The following RBFOX1 variants were observed in gnomAD, a reference collection of about 807,000 sequenced individuals.
RBFOX1 encodes RNA binding protein fox-1 homolog 1.
RBFOX1 carries 8 observed loss-of-function variants against 57.7 expected under a neutral mutation model. The ratio of observed to expected loss-of-function variants is 0.14; its 90% CI spans 0.08 to 0.25. The LOEUF (loss-of-function observed/expected upper bound fraction) is 0.25, where lower values mean the gene tolerates loss of function less well. Ranked by LOEUF, RBFOX1 falls within the 10% of genes least tolerant of loss-of-function variation. The pLI is 1.00. For missense variants in RBFOX1, 611 were observed against 548.5 expected (o/e 1.11, Z -1.14); for synonymous variants, 326 against 222.4 (o/e 1.47, Z -4.15).
intron 3 of RBFOX1, among the ~76,000 whole-genome samples, chr16:5,835,418 T>A (rs1326844058): frequency 2.6e-5 from 4 of 152,198 alleles, no homozygotes; most frequent in Admixed American, 2.0e-4. Flanking sequence ...TTGGGGAGGC[T>A]TGGGAAAGCT....
rs918985297 is a variant in RBFOX1 at position 7,313,902 on chromosome 16, C to T, written c.28-204245C>T. On this transcript the variant is annotated intron_variant, in intron 4 of 15. Coordinates refer to ENST00000550418, the MANE Select transcript of RBFOX1 (RefSeq NM_018723.4). ...CCAGTGGCTGGTTCTGTATGATTTA[C>T]GGAGAGACCTCTGCCAGGTTCCTGC... is the stretch of plus-strand genomic sequence containing the variant. 7.2e-5 allele frequency among the ~76,000 whole-genome samples: 11 copies of T among 152,254 alleles called. No individual in the cohort carries two copies. The East Asian group carries it at 1.4e-3, about 19-fold the overall frequency.
chr16:6,358,064 C>A (rs193114733), intron 2 of RBFOX1, among the ~76,000 whole-genome samples: 3 of 152,156 alleles, frequency 2.0e-5, no homozygotes, highest in East Asian at 3.9e-4. Flanking sequence ...CTTCCAGAAC[C>A]CTTTGAGAGT....
chr16:5,994,924 C>A (rs963095366), intron 4 of RBFOX1, among the ~76,000 whole-genome samples: 1 of 152,282 alleles, frequency 6.6e-6, no homozygotes, highest in East Asian at 1.9e-4. Flanking sequence ...ATCAACTTGC[C>A]CACAGCAAAA....
intron 1 of RBFOX1, among the ~76,000 whole-genome samples, chr16:6,063,464 GACACACACACACACAC>G (rs772720519): frequency 1.2e-4 from 10 of 86,490 alleles, no homozygotes; most frequent in African/African-American, 2.6e-4. Context: ...CTCTTTCTCC[GACACACACACACACAC>G]ACACACACAC....
At chr16:7,379,336 T>C (rs1219166830) in intron 4 of RBFOX1, among the ~76,000 whole-genome samples, 1 of 152,190 alleles carries the variant, frequency 6.6e-6, no homozygotes, top group African/African-American at 2.4e-5. Context: ...ATAATAACAG[T>C]ATTATCTGAT....
At chr16:5,881,400 C>G (rs2057758924) in intron 4 of RBFOX1, among the ~76,000 whole-genome samples, 1 of 152,110 alleles carries the variant, frequency 6.6e-6, no homozygotes, top group Admixed American at 6.6e-5. Flanking sequence ...TATTAGGGGT[C>G]TGGGTGTGGT....
rs2084008168 is a variant in RBFOX1 at position 7,711,598 on chromosome 16, T to C, written c.*853T>C. 6.6e-6 allele frequency: 1 copy of C among 152,496 alleles called. No individual in the cohort carries two copies. The highest frequency in any genetic ancestry group is 1.5e-5 in the Non-Finnish European group (1 of 68,014). 9.4% of individuals were successfully genotyped at this position (152,496 alleles called of 1,614,324 possible). ...AGGTGATAAAAAAGCACTGTTTCTA[T>C]TTTTTTCTTTTTTTCCAAAAAAAGA... is the stretch of plus-strand genomic sequence containing the variant. On this transcript the variant is annotated 3_prime_UTR_variant, in exon 16 of 16. Coordinates refer to ENST00000550418, the MANE Select transcript of RBFOX1 (RefSeq NM_018723.4).
downstream of RBFOX1, chr16:5,601,602 C>T (rs1002417632): frequency 6.6e-6 from 1 of 152,294 alleles, no homozygotes; most frequent in East Asian, 1.9e-4. Flanking sequence ...CCACACTCTT[C>T]ATAATCTTGA....
rs898550946 is a variant in RBFOX1 at position 5,369,588 on chromosome 16, C to G, written c.220-97628C>G. ...GCATAGGAGACCTCGGCATCATGCC[C>G]CACACGCTCCTGAGCAGCGGTCGAG... On this transcript the variant is annotated intron_variant, in intron 1 of 2. Coordinates refer to the RBFOX1 transcript ENST00000585867. 4.6e-5 allele frequency among the ~76,000 whole-genome samples: 7 copies of G among 152,350 alleles called. No homozygotes were observed. The South Asian group carries it at 1.2e-3, about 27-fold the overall frequency.
chr16:6,489,683 G>A (rs182467669), intron 2 of RBFOX1, among the ~76,000 whole-genome samples: 1 of 152,188 alleles, frequency 6.6e-6, no homozygotes, highest in African/African-American at 2.4e-5. Flanking sequence ...TGAGGAAAAC[G>A]GACTTACCTG....
intron 4 of RBFOX1, among the ~76,000 whole-genome samples, chr16:7,261,793 C>G (rs1415540984): frequency 6.6e-6 from 1 of 152,162 alleles, no homozygotes; most frequent in African/African-American, 2.4e-5. Flanking sequence ...CACTAAGAAT[C>G]CCCTGGAGAG....
intron 4 of RBFOX1, among the ~76,000 whole-genome samples, chr16:7,120,101 C>T (rs2066780163): frequency 6.6e-6 from 1 of 151,984 alleles, no homozygotes; most frequent in South Asian, 2.1e-4. Context: ...CTAAATCACC[C>T]ATAGTTCAAA....
At chr16:6,822,147 G>C (rs1014667945) in intron 3 of RBFOX1, among the ~76,000 whole-genome samples, 14 of 152,148 alleles carry the variant, frequency 9.2e-5, no homozygotes, top group African/African-American at 3.4e-4. Context: ...AAGCAAAACG[G>C]GAGCTCGTGT....
intron 2 of RBFOX1, among the ~76,000 whole-genome samples, chr16:5,582,314 G>A (rs745452923): frequency 3.9e-5 from 6 of 152,122 alleles, no homozygotes; most frequent in Non-Finnish European, 7.4e-5. Context: ...GCAGTGACAC[G>A]GCTTAGCGAA....
chr16:6,176,097 A>G (rs1253261808), intron 1 of RBFOX1, among the ~76,000 whole-genome samples: 1 of 152,116 alleles, frequency 6.6e-6, no homozygotes, highest in Non-Finnish European at 1.5e-5. Context: ...CTTAAGTCAG[A>G]GAGCCTGTTT....
intron 1 of RBFOX1, among the ~76,000 whole-genome samples, chr16:6,316,112 C>T (rs1025734254): frequency 6.6e-6 from 1 of 152,042 alleles, no homozygotes; most frequent in African/African-American, 2.4e-5. Context: ...ATTCCAGAAC[C>T]CTGCAAAGTA....
At chr16:6,653,274 CT>C (rs2098612472) in intron 2 of RBFOX1, among the ~76,000 whole-genome samples, 1 of 151,808 alleles carries the variant, frequency 6.6e-6, no homozygotes, top group African/African-American at 2.4e-5. Context: ...AGTACATATT[CT>C]TTCTGGAATA....
At chr16:5,806,167 C>T (rs1443652936) in intron 3 of RBFOX1, among the ~76,000 whole-genome samples, 5 of 152,296 alleles carry the variant, frequency 3.3e-5, no homozygotes, top group East Asian at 3.9e-4. Context: ...CATTTTCTGT[C>T]TTTCTTCACC....
intron 4 of RBFOX1, among the ~76,000 whole-genome samples, chr16:7,095,702 A>G (rs983162511): frequency 2.1e-4 from 32 of 152,224 alleles, no homozygotes; most frequent in Admixed American, 1.4e-3. Flanking sequence ...ATAAGTAGCA[A>G]TTTGTTTTTT....
Sources: gnomAD v4.1 joint callset for allele counts (sites outside exome capture counted in the v4.1 genomes callset) on GRCh38, gnomAD v4.1.1 for gene constraint, MANE v1.5 for transcripts, NCBI Gene and HGNC (gene_info 2026-07-23, HGNC 2026-07-21) for gene names.